Variants in CTNNA2 observed in about 807,000 individuals in gnomAD.
CTNNA2 encodes catenin alpha 2.
In CTNNA2, 42 loss-of-function variants were observed where a neutral mutation model predicts 101.0. The observed-to-expected ratio is 0.42, with a 90% confidence interval of 0.32 to 0.54. The LOEUF is 0.54. CTNNA2 is among the 20% of genes least tolerant of loss of function. The pLI is 0.14. For synonymous variants in CTNNA2, 450 were observed against 456.4 expected, an observed-to-expected ratio of 0.99 and a Z score of 0.18; for missense variants, 871 against 1,223.1, an observed-to-expected ratio of 0.71 and a Z score of 4.29.
chr2:80,043,674 G>T (rs1696329989), intron 7 of CTNNA2, among the ~76,000 whole-genome samples: 1 of 152,192 alleles, frequency 6.6e-6, no homozygotes, highest in African/African-American at 2.4e-5. Flanking sequence ...TAGAGAAATG[G>T]AAGCCTAGAG....
At chr2:80,450,272 A>C (rs531168249) in intron 9 of CTNNA2, among the ~76,000 whole-genome samples, 2 of 152,338 alleles carry the variant, frequency 1.3e-5, no homozygotes, top group East Asian at 3.9e-4. Flanking sequence ...GTATGAGACA[A>C]AGTATGCAAA....
chr2:80,517,701 C>A (rs1164875996), intron 9 of CTNNA2, among the ~76,000 whole-genome samples: 1 of 152,134 alleles, frequency 6.6e-6, no homozygotes, highest in Non-Finnish European at 1.5e-5. Context: ...GGAATCCTGC[C>A]ACAAAATGGT....
At chr2:80,422,284 G>A (rs910115247) in intron 9 of CTNNA2, among the ~76,000 whole-genome samples, 6 of 152,066 alleles carry the variant, frequency 3.9e-5, no homozygotes, top group African/African-American at 1.4e-4. Flanking sequence ...TTCACTACCA[G>A]GAGAACAGTA....
At chr2:79,527,256 G>A (rs1334846515) in intron 1 of CTNNA2, among the ~76,000 whole-genome samples, 3 of 151,914 alleles carry the variant, frequency 2.0e-5, no homozygotes, top group South Asian at 2.1e-4. Flanking sequence ...ATAAGCACAC[G>A]AAGAGATGCT....
chr2:79,774,713 G>A (rs1467441874), intron 3 of CTNNA2, among the ~76,000 whole-genome samples: 1 of 152,068 alleles, frequency 6.6e-6, no homozygotes, highest in African/African-American at 2.4e-5. Flanking sequence ...AAAACAGGGT[G>A]GTAAGATTAT....
chr2:80,602,805 A>G (rs1402790136), intron 15 of CTNNA2, among the ~76,000 whole-genome samples: 1 of 152,074 alleles, frequency 6.6e-6, no homozygotes, highest in Non-Finnish European at 1.5e-5. Context: ...TAACGTCACT[A>G]CAACAAAATG....
intron 7 of CTNNA2, among the ~76,000 whole-genome samples, chr2:79,991,671 T>C (rs492835): frequency 0.66 from 100,237 of 152,068 alleles, 34,041 homozygotes; most frequent in Non-Finnish European, 0.75. Flanking sequence ...TTTACATAAC[T>C]GTAATGGAAA....
At position 80,597,895 on chromosome 2, in the gene CTNNA2, G is replaced by T. The variant is rs375671895; in HGVS notation, c.2190-6179G>T. ...GGGAGTGTAAATTAGTTGAACCATT[G>T]TGGAAGACAGTGTGGTGATTACTCA... On this transcript the variant is annotated intron_variant, in intron 15 of 18. Transcript: ENST00000402739. Among the ~76,000 whole-genome samples the T allele has an allele frequency of 1.5e-3, 233 of 152,284 alleles. 1 individual carries two copies. The highest frequency in any genetic ancestry group is 5.5e-3 in the African/African-American group (227 of 41,564).
intron 7 of CTNNA2, chr2:80,313,715 C>CA: frequency 1.6e-6 from 2 of 1,263,850 alleles, no homozygotes; most frequent in Non-Finnish European, 2.2e-6. Context: ...GAAAGACTTT[C>CA]AACTAGAAAT....
chr2:79,242,969 A>AATATATATATATATATAT (rs137898899), intron 2 of CTNNA2, among the ~76,000 whole-genome samples: 55 of 127,334 alleles, frequency 4.3e-4, no homozygotes, highest in Non-Finnish European at 4.9e-4. Flanking sequence ...CCTGTCTCGA[A>AATATATATATATATATAT]ATATATATAT....
chr2:80,200,320 G>A (rs1384537363), intron 7 of CTNNA2, among the ~76,000 whole-genome samples: 1 of 152,134 alleles, frequency 6.6e-6, no homozygotes, highest in Non-Finnish European at 1.5e-5. Flanking sequence ...AGTTCATGAG[G>A]CCCGGAAGGG....
chr2:80,424,391 T>C (rs1295329078), intron 9 of CTNNA2, among the ~76,000 whole-genome samples: 2 of 152,252 alleles, frequency 1.3e-5, no homozygotes. Flanking sequence ...CTATGAGGCT[T>C]TGAAAATGGA....
intron 7 of CTNNA2, among the ~76,000 whole-genome samples, chr2:80,213,115 T>C (rs1037600829): frequency 3.9e-5 from 6 of 152,200 alleles, no homozygotes; most frequent in Admixed American, 2.0e-4. Context: ...TTCTTCTTTA[T>C]TTGTCTTGCT....
chr2:79,861,430 T>A (rs1210703612), intron 4 of CTNNA2, among the ~76,000 whole-genome samples: 2 of 152,232 alleles, frequency 1.3e-5, no homozygotes, highest in African/African-American at 4.8e-5. Flanking sequence ...AATAGTCACT[T>A]GAGTAATCAC....
intron 7 of CTNNA2, among the ~76,000 whole-genome samples, chr2:80,385,084 C>T (rs1448944814): frequency 6.6e-6 from 1 of 151,986 alleles, no homozygotes; most frequent in African/African-American, 2.4e-5. Context: ...CCAGGTACAA[C>T]TCCAGGTTCT....
intron 7 of CTNNA2, among the ~76,000 whole-genome samples, chr2:80,017,195 GGA>G (rs1694209271): frequency 6.6e-6 from 1 of 152,082 alleles, no homozygotes; most frequent in Admixed American, 6.6e-5. Flanking sequence ...AACTTAACTG[GGA>G]GTGGGGTGGG....
chr2:79,376,975 T>A (rs1049891842), intron 4 of CTNNA2, among the ~76,000 whole-genome samples: 1 of 152,064 alleles, frequency 6.6e-6, no homozygotes, highest in Non-Finnish European at 1.5e-5. Context: ...TAGCAGCATG[T>A]TTTATAATCC....
chr2:79,847,022 G>A (rs1680279788), intron 3 of CTNNA2, among the ~76,000 whole-genome samples: 1 of 152,142 alleles, frequency 6.6e-6, no homozygotes, highest in Admixed American at 6.5e-5. Context: ...TTGGAAACCT[G>A]GAGAGAGTTG....
chr2:80,081,743 C>CT lies in CTNNA2; in HGVS notation c.1056+171947dup, dbSNP rs767145636. ...CTCCGCTAAGACAATCTCTCTCTCT[C>CT]TCTCTCTTGCTCTCTTTCTCTATTT... On this transcript the variant is annotated intron_variant, in intron 7 of 18. Coordinates refer to ENST00000402739, the MANE Select transcript of CTNNA2 (RefSeq NM_001282597.3). 2.0e-5 allele frequency among the ~76,000 whole-genome samples: 3 copies of CT among 150,056 alleles called. No individual in the cohort carries two copies. In the East Asian group the frequency reaches 6.0e-4, roughly 30 times the overall value.
Sources: allele counts gnomAD v4.1 joint callset (sites outside exome capture counted in the v4.1 genomes callset), GRCh38; gene constraint gnomAD v4.1.1; transcripts MANE v1.5; gene names NCBI Gene and HGNC (gene_info 2026-07-23, HGNC 2026-07-21).